Variants in MEMO1 observed in about 807,000 individuals in gnomAD.
MEMO1 encodes protein MEMO1.
MEMO1 carries 6 observed loss-of-function variants against 45.2 expected under a neutral mutation model. The ratio of observed to expected loss-of-function variants is 0.13; its 90% CI spans 0.07 to 0.26. The LOEUF is 0.26. MEMO1 is among the 10% of genes least tolerant of loss of function. MEMO1 has a pLI of 1.00. For missense variants in MEMO1, 184 were observed against 370.5 expected (o/e 0.50, Z 4.13); for synonymous variants, 78 against 124.3 (o/e 0.63, Z 2.48).
chr2:31,952,761 A>G (rs1666979880), intron 2 of MEMO1, among the ~76,000 whole-genome samples: 1 of 152,214 alleles, frequency 6.6e-6, no homozygotes, highest in African/African-American at 2.4e-5. Flanking sequence ...AATTTGAGGA[A>G]TATGTATGAG....
chr2:31,983,622 C>A (rs1463294357), intron 2 of MEMO1, among the ~76,000 whole-genome samples: 1 of 152,048 alleles, frequency 6.6e-6, no homozygotes, highest in African/African-American at 2.4e-5. Flanking sequence ...TTAGTAGAGA[C>A]ACGGTTTCTC....
intron 6 of MEMO1, among the ~76,000 whole-genome samples, chr2:31,915,802 T>C (rs1251277561): frequency 6.6e-6 from 1 of 152,088 alleles, no homozygotes; most frequent in East Asian, 1.9e-4. Context: ...CTGCCCCAAT[T>C]CCTGGCCCCC....
rs146026204 is a variant in MEMO1, at chr2:31,929,681, G to C, written c.212+2386C>G. On this transcript the variant is annotated intron_variant, in intron 4 of 9. Transcript: ENST00000404530. Reference sequence around the variant, plus strand: ...ACCCCCCACCCACTTTTAAATTCTGGAAAGTGACAGGGTATCATTTACATT... The same window carrying C: ...ACCCCCCACCCACTTTTAAATTCTGCAAAGTGACAGGGTATCATTTACATT... Among the ~76,000 whole-genome samples, 34 of 152,254 alleles carry C rather than the reference G, an allele frequency of 2.2e-4. No homozygotes were observed. The East Asian group carries it at 6.0e-3, about 27-fold the overall frequency.
At chr2:31,988,677 G>T (rs548763384) in intron 2 of MEMO1, among the ~76,000 whole-genome samples, 1 of 152,310 alleles carries the variant, frequency 6.6e-6, no homozygotes, top group East Asian at 1.9e-4. Flanking sequence ...TTTAAAGCCA[G>T]TTTCACTTAA....
At chr2:31,916,629 G>GA (rs1681485039) in intron 6 of MEMO1, among the ~76,000 whole-genome samples, 1 of 152,148 alleles carries the variant, frequency 6.6e-6, no homozygotes, top group Admixed American at 6.6e-5. Context: ...TTGAAGAAGA[G>GA]AAAGTTCTGA....
chr2:31,874,797 T>G (rs1330843332), intron 8 of MEMO1, among the ~76,000 whole-genome samples: 1 of 151,870 alleles, frequency 6.6e-6, no homozygotes, highest in Non-Finnish European at 1.5e-5. Context: ...GGTTCTCAAA[T>G]GATTTAAATT....
At chr2:31,941,599 T>C (rs528284494) in intron 3 of MEMO1, among the ~76,000 whole-genome samples, 2 of 152,354 alleles carry the variant, frequency 1.3e-5, no homozygotes, top group African/African-American at 4.8e-5. Context: ...GCCTTTAGCC[T>C]GGTATGTAAA....
At chr2:31,993,686 C>T (rs986116412) in intron 2 of MEMO1, among the ~76,000 whole-genome samples, 1 of 152,140 alleles carries the variant, frequency 6.6e-6, no homozygotes, top group Non-Finnish European at 1.5e-5. Context: ...AGAAACTCTT[C>T]TGGGGAAAGA....
At chr2:32,006,816 T>C (rs1220009441) in intron 2 of MEMO1, among the ~76,000 whole-genome samples, 1 of 151,888 alleles carries the variant, frequency 6.6e-6, no homozygotes, top group Non-Finnish European at 1.5e-5. Flanking sequence ...AATACAAAAA[T>C]TAGCCAGGCA....
intron 3 of MEMO1, among the ~76,000 whole-genome samples, chr2:31,942,579 C>T (rs1258802077): frequency 6.6e-6 from 1 of 151,788 alleles, no homozygotes; most frequent in Non-Finnish European, 1.5e-5. Flanking sequence ...TGATCTGGCT[C>T]ACTACAACCT....
At chr2:31,906,385 G>A (rs887539383) in intron 6 of MEMO1, among the ~76,000 whole-genome samples, 10 of 151,636 alleles carry the variant, frequency 6.6e-5, no homozygotes, top group Admixed American at 1.3e-4. Context: ...GTGCAATGGC[G>A]CAATCTTGGC....
intron 2 of MEMO1, among the ~76,000 whole-genome samples, chr2:31,964,938 GT>G (rs989735227): frequency 6.6e-6 from 1 of 152,076 alleles, no homozygotes; most frequent in African/African-American, 2.4e-5. Context: ...GTGAGGCTGG[GT>G]GCAGCGGCTC....
At chr2:31,876,103 C>A (rs1170286391) in intron 8 of MEMO1, among the ~76,000 whole-genome samples, 2 of 152,116 alleles carry the variant, frequency 1.3e-5, no homozygotes, top group Non-Finnish European at 2.9e-5. Flanking sequence ...ATATAAAGTT[C>A]TTACCTTCAA....
chr2:31,899,191 T>G (rs1171118794), intron 6 of MEMO1, among the ~76,000 whole-genome samples: 1 of 152,076 alleles, frequency 6.6e-6, no homozygotes, highest in Non-Finnish European at 1.5e-5. Context: ...CTACTTTAAA[T>G]TTCATATGGA....
intron 2 of MEMO1, among the ~76,000 whole-genome samples, chr2:31,953,825 G>A (rs908162703): frequency 1.3e-5 from 2 of 152,064 alleles, no homozygotes; most frequent in Admixed American, 6.6e-5. Flanking sequence ...AATGATGCAT[G>A]ACAAGGCCTA....
chr2:31,975,136 C>T (rs779613367), intron 2 of MEMO1, among the ~76,000 whole-genome samples: 6 of 152,154 alleles, frequency 3.9e-5, no homozygotes, highest in Non-Finnish European at 7.4e-5. Context: ...CGTGCCACTG[C>T]ACTCCAGCCT....
At chr2:31,970,055 T>C (rs1449943003) in intron 2 of MEMO1, among the ~76,000 whole-genome samples, 1 of 152,058 alleles carries the variant, frequency 6.6e-6, no homozygotes, top group African/African-American at 2.4e-5. Flanking sequence ...CACTGTAACC[T>C]CCCCATCCCA....
chr2:31,946,023 G>T (rs372186859), intron 2 of MEMO1, among the ~76,000 whole-genome samples: 1 of 152,168 alleles, frequency 6.6e-6, no homozygotes, highest in Admixed American at 6.6e-5. Flanking sequence ...TGTGATACAC[G>T]TGTCATTCTG....
Position 32,008,699 on chromosome 2 carries a change from C to T in MEMO1, c.61+1488G>A, listed in dbSNP as rs554020599. On this transcript the variant is annotated intron_variant, in intron 2 of 9. Coordinates refer to ENST00000404530, the MANE Select transcript of MEMO1 (RefSeq NM_001301833.4). ...AAATGTTTATGAAGTACTTTAGGAC[C>T]ATGAATGGAAGCCACTTTAACCATA... Among the ~76,000 whole-genome samples the T allele has an allele frequency of 3.9e-5, 6 of 152,290 alleles. No individual in the cohort carries two copies. The South Asian group carries it at 1.2e-3, about 32-fold the overall frequency.
Sources: allele counts gnomAD v4.1 joint callset (sites outside exome capture counted in the v4.1 genomes callset), GRCh38; gene constraint gnomAD v4.1.1; transcripts MANE v1.5; gene names NCBI Gene and HGNC (gene_info 2026-07-23, HGNC 2026-07-21).